Variants in USP15 observed in about 807,000 individuals in gnomAD.
The protein encoded by USP15 is ubiquitin specific peptidase 15, also known as ubiquitin carboxyl-terminal hydrolase 15.
A neutral mutation model predicts 127.1 loss-of-function variants in USP15; 18 were observed. The ratio of observed to expected loss-of-function variants is 0.14; its 90% CI spans 0.10 to 0.21. The LOEUF is 0.21. USP15 is among the 10% of genes least tolerant of loss of function. The pLI is 1.00. For missense variants in USP15, 805 were observed against 1,159.9 expected, an observed-to-expected ratio of 0.69 and a Z score of 4.44; for synonymous variants, 364 against 393.7, an observed-to-expected ratio of 0.92 and a Z score of 0.89.
At chr12:62,298,551 A>G (rs2064204057) in intron 2 of USP15, among the ~76,000 whole-genome samples, 1 of 152,122 alleles carries the variant, frequency 6.6e-6, no homozygotes, top group South Asian at 2.1e-4. Context: ...TTGTAGTCCC[A>G]TCTACTCAGG....
intron 1 of USP15, among the ~76,000 whole-genome samples, chr12:62,264,636 T>G (rs2063152340): frequency 6.6e-6 from 1 of 152,178 alleles, no homozygotes; most frequent in African/African-American, 2.4e-5. Context: ...TTGATTTCAG[T>G]TTTTAGAGCT....
intron 1 of USP15, among the ~76,000 whole-genome samples, chr12:62,262,197 C>CA (rs777502774): frequency 4.6e-5 from 7 of 151,686 alleles, no homozygotes; most frequent in Non-Finnish European, 8.8e-5. Context: ...GAGATCCGGC[C>CA]ACTGCACTCT....
intron 9 of USP15, among the ~76,000 whole-genome samples, chr12:62,383,259 C>A (rs2067043771): frequency 6.6e-6 from 1 of 151,878 alleles, no homozygotes; most frequent in South Asian, 2.1e-4. Context: ...AGCCTTTGTT[C>A]ACAACATTTT....
chr12:62,297,413 A>G (rs112849880), intron 2 of USP15, among the ~76,000 whole-genome samples: 2 of 152,136 alleles, frequency 1.3e-5, no homozygotes, highest in African/African-American at 4.8e-5. Context: ...AAGAGGGGCA[A>G]GTGGCTTGCT....
At chr12:62,376,999 T>A (rs2066851475) in intron 8 of USP15, among the ~76,000 whole-genome samples, 1 of 152,194 alleles carries the variant, frequency 6.6e-6, no homozygotes, top group Admixed American at 6.5e-5. Context: ...ACTTCAGAAC[T>A]GATTATTATT....
At chr12:62,273,786 C>T (rs1278358673) in intron 1 of USP15, among the ~76,000 whole-genome samples, 3 of 151,846 alleles carry the variant, frequency 2.0e-5, no homozygotes. Flanking sequence ...CATTTGGGCT[C>T]TTATTCTACG....
chr12:62,322,753 C>G (rs1213892625), intron 5 of USP15, among the ~76,000 whole-genome samples: 1 of 152,164 alleles, frequency 6.6e-6, no homozygotes, highest in South Asian at 2.1e-4. Flanking sequence ...AGTCCAGGCA[C>G]TTTAAGCCAG....
chr12:62,286,636 A>T (rs950325163), intron 1 of USP15, among the ~76,000 whole-genome samples: 7 of 152,156 alleles, frequency 4.6e-5, no homozygotes, highest in African/African-American at 1.7e-4. Flanking sequence ...GATGGATTGG[A>T]TAAAGAAAAT....
chr12:62,386,846 C>T (rs1300599815), intron 11 of USP15, among the ~76,000 whole-genome samples: 5 of 152,022 alleles, frequency 3.3e-5, no homozygotes, highest in Non-Finnish European at 7.4e-5. Context: ...GTACTAAGAC[C>T]AGGTAAGAAG....
chr12:62,348,637 A>T (rs982039321), intron 6 of USP15, among the ~76,000 whole-genome samples: 2 of 152,208 alleles, frequency 1.3e-5, no homozygotes, highest in African/African-American at 4.8e-5. Flanking sequence ...GTTGATTAAA[A>T]ACCAATAGTA....
At chr12:62,282,230 A>G (rs2063671452) in intron 1 of USP15, among the ~76,000 whole-genome samples, 2 of 152,084 alleles carry the variant, frequency 1.3e-5, no homozygotes, top group African/African-American at 4.8e-5. Context: ...CAGGAGACTG[A>G]GGTGGGAAGA....
At position 62,349,221 on chromosome 12, in the gene USP15, G is replaced by T; in HGVS notation, c.684G>T (p.Lys228Asn). Residue 228 changes from lysine to asparagine, a missense_variant and splice_region_variant, in exon 7 of 22, where the codon AAG becomes AAT. By Grantham distance (94) the Lys-to-Asn change is moderately conservative (BLOSUM62 0). Transcript: ENST00000280377. ...ATTTAACATTTTCATATTTTTAAAG[G>T]TCCCCAGGTGCATCCAATTTTTCAA... ...GTWPRGPSTP[K>N]SPGASNFSTL... 1 of 1,465,804 alleles carries T rather than the reference G, an allele frequency of 6.8e-7. No individual in the cohort carries two copies. The highest frequency in any genetic ancestry group is 2.6e-5 in the East Asian group (1 of 38,486). The allele number at this position is 1,465,804 out of a possible 1,614,324, so 90.8% of individuals were successfully genotyped here. A position where few individuals can be genotyped will look rare whatever the true frequency, so the allele number is the denominator to read the frequency against.
At chr12:62,340,954 G>T (rs917056236) in intron 6 of USP15, among the ~76,000 whole-genome samples, 1 of 152,148 alleles carries the variant, frequency 6.6e-6, no homozygotes, top group African/African-American at 2.4e-5. Context: ...TCATTGATCT[G>T]TCTAGTATTG....
chr12:62,270,484 T>C (rs972201770), intron 1 of USP15, among the ~76,000 whole-genome samples: 2 of 152,148 alleles, frequency 1.3e-5, no homozygotes, highest in Admixed American at 6.6e-5. Context: ...TTCCAAGTTT[T>C]GTAGTTCTGG....
intron 1 of USP15, among the ~76,000 whole-genome samples, chr12:62,290,763 A>G (rs2063940204): frequency 6.6e-6 from 1 of 152,058 alleles, no homozygotes; most frequent in Non-Finnish European, 1.5e-5. Context: ...CTTCATTTCC[A>G]TGTTTAGACT....
intron 6 of USP15, among the ~76,000 whole-genome samples, chr12:62,326,902 C>A (rs560685852): frequency 2.0e-5 from 3 of 152,204 alleles, no homozygotes; most frequent in South Asian, 4.1e-4. Flanking sequence ...GAGGCGAAGA[C>A]AGGCAGATCA....
chr12:62,306,326 T>C (rs1484476502), intron 3 of USP15, among the ~76,000 whole-genome samples: 1 of 152,116 alleles, frequency 6.6e-6, no homozygotes, highest in Non-Finnish European at 1.5e-5. Flanking sequence ...AAACTTGAAA[T>C]GTGGCGTGGC....
At chr12:62,385,292 A>C in intron 11 of USP15, among the ~76,000 whole-genome samples, 1 of 151,856 alleles carries the variant, frequency 6.6e-6, no homozygotes, top group Non-Finnish European at 1.5e-5. Flanking sequence ...GTTTTCTGTA[A>C]ATTTTTAGCC....
intron 6 of USP15, among the ~76,000 whole-genome samples, chr12:62,348,735 A>T (rs928631672): frequency 6.6e-6 from 1 of 152,150 alleles, no homozygotes; most frequent in Admixed American, 6.5e-5. Flanking sequence ...CAAATATAGC[A>T]TATTGGGATT....
Sources: allele counts gnomAD v4.1 joint callset (sites outside exome capture counted in the v4.1 genomes callset), GRCh38; gene constraint gnomAD v4.1.1; transcripts MANE v1.5; gene names NCBI Gene and HGNC (gene_info 2026-07-23, HGNC 2026-07-21).